Variants in CDH2 observed in about 807,000 individuals in gnomAD.
CDH2 encodes cadherin 2.
CDH2 carries 17 observed loss-of-function variants against 92.0 expected under a neutral mutation model. That is an observed-to-expected ratio of 0.18 (90% CI 0.13 to 0.28). The LOEUF is 0.28. Among genes scored for constraint, CDH2 ranks in the 10% least tolerant of loss-of-function variants. The probability of loss-of-function intolerance (pLI) is 1.00; values close to 1 mark genes in which losing one functional copy is unlikely to be tolerated. For synonymous variants in CDH2, 419 were observed against 415.9 expected (o/e 1.01, Z -0.09); for missense variants, 862 against 1,133.1 (o/e 0.76, Z 3.44).
downstream of CDH2, among the ~76,000 whole-genome samples, chr18:27,949,392 G>T (rs1909354891): frequency 6.6e-6 from 1 of 151,892 alleles, no homozygotes; most frequent in Non-Finnish European, 1.5e-5. Flanking sequence ...CATGCAAAGA[G>T]ACATGCACAA....
chr18:28,078,261 T>C (rs2014762841), intron 2 of CDH2, among the ~76,000 whole-genome samples: 1 of 152,116 alleles, frequency 6.6e-6, no homozygotes, highest in African/African-American at 2.4e-5. Context: ...AGAACCCCAA[T>C]CAGCTGTTGA....
At chr18:27,967,637 T>G (rs2011562649) in intron 14 of CDH2, among the ~76,000 whole-genome samples, 1 of 152,204 alleles carries the variant, frequency 6.6e-6, no homozygotes, top group Non-Finnish European at 1.5e-5. Flanking sequence ...GAAAATCTCT[T>G]TTTTACTTCA....
chr18:28,114,159 A>G (rs942453486), intron 2 of CDH2, among the ~76,000 whole-genome samples: 2 of 152,132 alleles, frequency 1.3e-5, no homozygotes, highest in Admixed American at 1.3e-4. Context: ...GATGACACTA[A>G]CAATATTTCA....
chr18:28,126,132 G>A (rs985733258), intron 2 of CDH2, among the ~76,000 whole-genome samples: 2 of 152,046 alleles, frequency 1.3e-5, no homozygotes, highest in Non-Finnish European at 2.9e-5. Context: ...AGATGTATAT[G>A]CTTTAAAATC....
chr18:28,168,205 CCAA>C (rs200153533), intron 1 of CDH2, among the ~76,000 whole-genome samples: 1,572 of 152,182 alleles, frequency 0.01, 24 homozygotes, highest in Non-Finnish European at 0.016. Context: ...TATCCACCCA[CCAA>C]CAACAGGTCA....
chr18:28,158,688 A>C (rs950029744), intron 1 of CDH2, among the ~76,000 whole-genome samples: 1 of 152,228 alleles, frequency 6.6e-6, no homozygotes, highest in East Asian at 1.9e-4. Context: ...AGCCACTTCC[A>C]TAATATTACA....
At chr18:27,946,420 T>C (rs191504116), downstream of CDH2, among the ~76,000 whole-genome samples, 15 of 152,234 alleles carry the variant, frequency 9.9e-5, no homozygotes, top group African/African-American at 2.2e-4. Flanking sequence ...GAATTTTCTA[T>C]TGATACATTT....
chr18:28,109,783 A>G (rs1014217381), intron 2 of CDH2, among the ~76,000 whole-genome samples: 3 of 152,220 alleles, frequency 2.0e-5, no homozygotes, highest in Non-Finnish European at 2.9e-5. Context: ...AAGATCAAGA[A>G]GAAAGCTTTT....
chr18:28,151,101 T>C (rs915719605), intron 1 of CDH2, among the ~76,000 whole-genome samples: 2 of 152,218 alleles, frequency 1.3e-5, no homozygotes, highest in African/African-American at 4.8e-5. Flanking sequence ...ATACCAGGTA[T>C]GAGACTGCAG....
chr18:28,126,892 TGTGATCACATGGTGCAGCCG>T (rs2015686671), intron 2 of CDH2, among the ~76,000 whole-genome samples: 2 of 152,060 alleles, frequency 1.3e-5, no homozygotes, highest in Admixed American at 1.3e-4. Context: ...GATATGACAA[TGTGATCACATGGTGCAGCCG>T]GGACGCATCA....
At chr18:28,054,056 C>T (rs548291428) in intron 2 of CDH2, among the ~76,000 whole-genome samples, 34 of 152,244 alleles carry the variant, frequency 2.2e-4, no homozygotes, top group African/African-American at 7.9e-4. Context: ...AGAGAGCACA[C>T]AAACTTTGAA....
At chr18:28,034,160 A>G (rs1213854085) in intron 2 of CDH2, among the ~76,000 whole-genome samples, 1 of 152,128 alleles carries the variant, frequency 6.6e-6, no homozygotes, top group Admixed American at 6.6e-5. Flanking sequence ...ATCTCTCAAC[A>G]GCTTTGGATC....
intron 2 of CDH2, among the ~76,000 whole-genome samples, chr18:28,067,148 T>A (rs1293808419): frequency 6.6e-6 from 1 of 152,206 alleles, no homozygotes; most frequent in East Asian, 1.9e-4. Context: ...GAAATATATA[T>A]TTTTGTGTTT....
chr18:28,076,305 G>T (rs1338512271), intron 2 of CDH2, among the ~76,000 whole-genome samples: 1 of 152,036 alleles, frequency 6.6e-6, no homozygotes, highest in Non-Finnish European at 1.5e-5. Context: ...AAGTCAGATT[G>T]TTTTCTTATC....
intron 2 of CDH2, among the ~76,000 whole-genome samples, chr18:28,069,148 A>G (rs1257980043): frequency 3.9e-5 from 6 of 152,160 alleles, no homozygotes; most frequent in Admixed American, 2.6e-4. Context: ...AAAGATGCAC[A>G]TTATTTCACA....
At chr18:28,170,000 A>G (rs1944289) in intron 1 of CDH2, among the ~76,000 whole-genome samples, 4,988 of 152,288 alleles carry the variant, frequency 0.033, 279 homozygotes, top group African/African-American at 0.11. Flanking sequence ...ATCAGTCAGG[A>G]GAATGTGAAA....
At chr18:28,163,835 T>C (rs796228421) in intron 1 of CDH2, among the ~76,000 whole-genome samples, 2 of 152,312 alleles carry the variant, frequency 1.3e-5, no homozygotes, top group East Asian at 1.9e-4. Context: ...AATGTCTATA[T>C]AGATGATAAA....
At chr18:28,009,212 A>G (rs559124897) in intron 5 of CDH2, among the ~76,000 whole-genome samples, 1 of 152,332 alleles carries the variant, frequency 6.6e-6, no homozygotes, top group African/African-American at 2.4e-5. Context: ...AATGTTAGAA[A>G]TAAACAAAAG....
intron 2 of CDH2, among the ~76,000 whole-genome samples, chr18:28,101,437 T>A (rs2015224555): frequency 6.6e-6 from 1 of 152,154 alleles, no homozygotes; most frequent in African/African-American, 2.4e-5. Flanking sequence ...TTCTCCTGCC[T>A]TTCAAAGTCA....
Sources: allele counts gnomAD v4.1 joint callset (sites outside exome capture counted in the v4.1 genomes callset), GRCh38; gene constraint gnomAD v4.1.1; transcripts MANE v1.5; gene names NCBI Gene and HGNC (gene_info 2026-07-23, HGNC 2026-07-21).